The following STIM1 variants were observed in gnomAD, a reference collection of about 807,000 sequenced individuals.
STIM1 encodes stromal interaction molecule 1.
STIM1 carries 25 observed loss-of-function variants against 74.7 expected under a neutral mutation model. That is an observed-to-expected ratio of 0.33 (90% CI 0.24 to 0.47). The LOEUF (loss-of-function observed/expected upper bound fraction) is 0.47, where lower values mean the gene tolerates loss of function less well. Ranked by LOEUF, STIM1 falls within the 20% of genes least tolerant of loss-of-function variation. STIM1 has a pLI of 1.00. For missense variants in STIM1, 728 were observed against 920.8 expected (o/e 0.79, Z 2.71); for synonymous variants, 328 against 348.8 (o/e 0.94, Z 0.66).
intron 1 of STIM1, among the ~76,000 whole-genome samples, chr11:3,909,336 A>T (rs1342752430): frequency 6.6e-6 from 1 of 151,872 alleles, no homozygotes; most frequent in Non-Finnish European, 1.5e-5. Context: ...TCTGGATCCA[A>T]CTCCCCAGCT....
At chr11:4,051,112 A>C (rs1233632444) in intron 3 of STIM1, among the ~76,000 whole-genome samples, 1 of 152,146 alleles carries the variant, frequency 6.6e-6, no homozygotes, top group Non-Finnish European at 1.5e-5. Flanking sequence ...TCCATGTATA[A>C]AATTCATGTA....
intron 1 of STIM1, among the ~76,000 whole-genome samples, chr11:3,912,521 T>C (rs2081052747): frequency 6.6e-6 from 1 of 151,720 alleles, no homozygotes; most frequent in African/African-American, 2.4e-5. Flanking sequence ...CCCACCATGA[T>C]GTCCAACTAA....
chr11:3,959,005 C>T (rs1301881673), intron 1 of STIM1, among the ~76,000 whole-genome samples: 1 of 151,474 alleles, frequency 6.6e-6, no homozygotes, highest in Non-Finnish European at 1.5e-5. Context: ...TCCCTTACTC[C>T]TCCCTCACCT....
chr11:3,884,332 G>A (rs367555206), intron 1 of STIM1, among the ~76,000 whole-genome samples: 120 of 152,310 alleles, frequency 7.9e-4, no homozygotes, highest in African/African-American at 2.7e-3. Flanking sequence ...GTGCTTTGTT[G>A]TATGGTGAAC....
chr11:4,030,192 G>T (rs2094036956), intron 3 of STIM1, among the ~76,000 whole-genome samples: 1 of 152,064 alleles, frequency 6.6e-6, no homozygotes, highest in Admixed American at 6.6e-5. Flanking sequence ...AGCCAGGTGT[G>T]GTGGTGGGCA....
At chr11:4,055,487 G>A (rs1420579706) in intron 3 of STIM1, 39 bp from the exon 4 acceptor site, 1 of 1,477,784 alleles carries the variant, frequency 6.8e-7, no homozygotes, top group Non-Finnish European at 9.3e-7. Flanking sequence ...GCAGTGCTTG[G>A]CATTCTAGAG....
At chr11:3,940,763 TGTCAATCTAGGGGGA>T (rs1182528228) in intron 1 of STIM1, among the ~76,000 whole-genome samples, 1 of 152,074 alleles carries the variant, frequency 6.6e-6, no homozygotes, top group African/African-American at 2.4e-5. Flanking sequence ...CCACAGAGAA[TGTCAATCTAGGGGGA>T]GTGGAGGATA....
At chr11:3,941,673 T>G (rs6578422) in intron 1 of STIM1, among the ~76,000 whole-genome samples, 18,046 of 90,558 alleles carry the variant, frequency 0.2, 1,661 homozygotes, top group East Asian at 0.29. Context: ...TATATATATA[T>G]AGAGAGAGAG....
chr11:3,941,673 T>TATATATAGAG (rs141623520), intron 1 of STIM1, among the ~76,000 whole-genome samples: 1,054 of 90,660 alleles, frequency 0.012, 7 homozygotes, highest in South Asian at 0.017. Flanking sequence ...TATATATATA[T>TATATATAGAG]AGAGAGAGAG....
chr11:4,015,449 C>T (rs1003500612), intron 2 of STIM1, among the ~76,000 whole-genome samples: 6 of 152,146 alleles, frequency 3.9e-5, no homozygotes, highest in Non-Finnish European at 4.4e-5. Flanking sequence ...GTGGGTAACC[C>T]GACCTCTCTC....
At chr11:3,977,503 C>G (rs1192307893) in intron 2 of STIM1, among the ~76,000 whole-genome samples, 1 of 152,236 alleles carries the variant, frequency 6.6e-6, no homozygotes, top group African/African-American at 2.4e-5. Flanking sequence ...AATCCCTTTC[C>G]ACCTCAGTTT....
chr11:4,051,867 AG>A (rs1396242781), intron 3 of STIM1, among the ~76,000 whole-genome samples: 2 of 152,192 alleles, frequency 1.3e-5, no homozygotes, highest in Admixed American at 1.3e-4. Flanking sequence ...CCATCGTCTC[AG>A]CCCAAAATCT....
At chr11:3,893,391 G>A (rs2091955196) in intron 1 of STIM1, among the ~76,000 whole-genome samples, 3 of 152,156 alleles carry the variant, frequency 2.0e-5, no homozygotes. Context: ...TTTGATTTTG[G>A]TTTCAATTAT....
At chr11:3,871,379 C>G (rs1256217525) in intron 1 of STIM1, among the ~76,000 whole-genome samples, 2 of 152,116 alleles carry the variant, frequency 1.3e-5, no homozygotes, top group Non-Finnish European at 2.9e-5. Context: ...GAGTCCTTAT[C>G]TGGTCGTCTC....
intron 2 of STIM1, among the ~76,000 whole-genome samples, chr11:3,992,523 T>C (rs1391693288): frequency 4.6e-5 from 7 of 152,252 alleles, no homozygotes; most frequent in Admixed American, 4.6e-4. Flanking sequence ...AAATCCCTTA[T>C]GAGATACGTG....
intron 1 of STIM1, among the ~76,000 whole-genome samples, chr11:3,859,684 C>G (rs532731574): frequency 6.6e-6 from 1 of 152,364 alleles, no homozygotes; most frequent in East Asian, 1.9e-4. Flanking sequence ...CTCCCTCCCC[C>G]AGCTAGTTGC....
chr11:3,863,174 G>A (rs546140937), intron 1 of STIM1, among the ~76,000 whole-genome samples: 14 of 151,142 alleles, frequency 9.3e-5, no homozygotes, highest in East Asian at 2.0e-4. Flanking sequence ...GATTACAGGC[G>A]TGAGCCACCA....
At chr11:3,943,419 AC>A (rs1293184362) in intron 1 of STIM1, among the ~76,000 whole-genome samples, 1 of 152,178 alleles carries the variant, frequency 6.6e-6, no homozygotes, top group East Asian at 1.9e-4. Flanking sequence ...TTGATGACAC[AC>A]CATACCTATT....
chr11:4,023,764 T>A (rs2093977343), intron 2 of STIM1, 109 bp from the exon 3 acceptor site: 1 of 757,896 alleles, frequency 1.3e-6, no homozygotes, highest in East Asian at 2.7e-5. Flanking sequence ...ACTTGTATGT[T>A]GGGTAGATGG....
Sources: allele counts gnomAD v4.1 joint callset (sites outside exome capture counted in the v4.1 genomes callset), GRCh38; gene constraint gnomAD v4.1.1; transcripts MANE v1.5; gene names NCBI Gene and HGNC (gene_info 2026-07-23, HGNC 2026-07-21).